Variants in KCNB2 observed in about 807,000 individuals in gnomAD.
KCNB2 encodes the protein potassium voltage-gated channel subfamily B member 2, also known as delayed rectifier potassium channel protein.
A neutral mutation model predicts 61.5 loss-of-function variants in KCNB2; 15 were observed. The observed-to-expected ratio is 0.24, with a 90% CI of 0.16 to 0.38. The LOEUF is 0.38. KCNB2 is among the 10% of genes least tolerant of loss of function. The pLI is 1.00. For missense variants in KCNB2, 828 were observed against 1,125.2 expected, an observed-to-expected ratio of 0.74 and a Z score of 3.78; for synonymous variants, 457 against 446.0, an observed-to-expected ratio of 1.02 and a Z score of -0.31.
intron 2 of KCNB2, among the ~76,000 whole-genome samples, chr8:72,746,705 A>G (rs1808077264): frequency 6.6e-6 from 1 of 152,144 alleles, no homozygotes; most frequent in Admixed American, 6.6e-5. Context: ...CGGCTGCAAT[A>G]TATCTTTCTG....
Position 72,937,401 on chromosome 8 carries a change from C to T in KCNB2, c.2046C>T (p.Gly682=). ...VDITVNLDAS[G]SQCGLHSPLQ... ...TAACTGTGAACCTCGATGCCAGTGG[C>T]TCCCAGTGTGGGCTACATAGTCCTT... The change falls in exon 3 of 3, where the codon GGC becomes GGT. Residue 682 remains glycine, a synonymous_variant. Transcript: ENST00000523207. 6.2e-7 allele frequency: 1 copy of T among 1,614,080 alleles called. No homozygotes were observed. The highest frequency in any genetic ancestry group is 8.5e-7 in the Non-Finnish European group (1 of 1,180,000).
chr8:72,762,453 C>T (rs184162234), intron 2 of KCNB2, among the ~76,000 whole-genome samples: 9 of 152,292 alleles, frequency 5.9e-5, no homozygotes, highest in Admixed American at 2.6e-4. Context: ...TTCTCCTCCA[C>T]GCTTAACATC....
chr8:72,726,253 C>A (rs1350620565), intron 2 of KCNB2, among the ~76,000 whole-genome samples: 1 of 152,194 alleles, frequency 6.6e-6, no homozygotes, highest in African/African-American at 2.4e-5. Context: ...GGTGGCCAAT[C>A]ACAAATCAGG....
chr8:72,583,948 CAAAA>C lies in KCNB2; in HGVS notation c.579+15649_579+15652del, dbSNP rs71566823. On this transcript the variant is annotated intron_variant, in intron 2 of 2. Coordinates refer to ENST00000523207, the MANE Select transcript of KCNB2 (RefSeq NM_004770.3). ...TTCAACAGTTACAACAATAGAATATCAAAAAAAAAAAAAAAAACAAACAAAACCC... is the reference window on the plus strand; with the variant it reads ...TTCAACAGTTACAACAATAGAATATCAAAAAAAAAAAAACAAACAAAACCC... Among the ~76,000 whole-genome samples the C allele has an allele frequency of 5.2e-4, 52 of 100,826 alleles. No individual in the cohort carries two copies. The South Asian group carries it at 8.5e-3, about 16-fold the overall frequency. The allele number at this position is 100,826 out of a possible 152,430, so 66.1% of individuals were successfully genotyped here. A position where few individuals can be genotyped will look rare whatever the true frequency, so the allele number is the denominator to read the frequency against.
chr8:72,696,160 G>A (rs566388224), intron 2 of KCNB2, among the ~76,000 whole-genome samples: 142 of 152,090 alleles, frequency 9.3e-4, no homozygotes, highest in African/African-American at 3.2e-3. Context: ...CTATTTTTAC[G>A]TCCTTCAATA....
intron 2 of KCNB2, among the ~76,000 whole-genome samples, chr8:72,778,929 T>C (rs1808710799): frequency 6.6e-6 from 1 of 151,996 alleles, no homozygotes; most frequent in Non-Finnish European, 1.5e-5. Flanking sequence ...TTGGCTGGCG[T>C]GTTCTCTTTT....
intron 2 of KCNB2, among the ~76,000 whole-genome samples, chr8:72,633,535 C>G (rs2128985152): frequency 6.6e-6 from 1 of 152,248 alleles, no homozygotes; most frequent in South Asian, 2.1e-4. Flanking sequence ...GCCTGGCACG[C>G]CTTCTCTGGG....
At chr8:72,854,925 G>A (rs73315027) in intron 2 of KCNB2, among the ~76,000 whole-genome samples, 22,958 of 152,182 alleles carry the variant, frequency 0.15, 2,369 homozygotes, top group African/African-American at 0.29. Flanking sequence ...AAGGTCCCTA[G>A]CTAAGATCCA....
intron 2 of KCNB2, among the ~76,000 whole-genome samples, chr8:72,884,095 G>T (rs147199241): frequency 6.2e-4 from 95 of 152,204 alleles, no homozygotes; most frequent in African/African-American, 2.2e-3. Context: ...GCATTGTCGA[G>T]GCTTCTAATT....
chr8:72,549,460 A>G (rs1195423341), intron 1 of KCNB2, among the ~76,000 whole-genome samples: 1 of 152,192 alleles, frequency 6.6e-6, no homozygotes, highest in East Asian at 1.9e-4. Context: ...TGTGACAACA[A>G]CACTTCTGCT....
chr8:72,797,782 G>C (rs1424489553), intron 2 of KCNB2, among the ~76,000 whole-genome samples: 1 of 152,158 alleles, frequency 6.6e-6, no homozygotes, highest in Non-Finnish European at 1.5e-5. Flanking sequence ...AACTCCCAGG[G>C]GTTGCGTGTA....
chr8:72,705,377 C>A lies in KCNB2; in HGVS notation c.579+137064C>A, dbSNP rs143872649. ...GGAACCATCTCCCATCCATTAACTT[C>A]ATCAAGGAATTCCCTCCCATACATG... On this transcript the variant is annotated intron_variant, in intron 2 of 2. Coordinates refer to ENST00000523207, the MANE Select transcript of KCNB2 (RefSeq NM_004770.3). 5.1e-3 allele frequency among the ~76,000 whole-genome samples: 783 copies of A among 152,336 alleles called. 9 individuals are homozygous for A. Among genetic ancestry groups the A allele is most frequent in the Middle Eastern group, 0.037 (11 of 294 alleles).
chr8:72,555,359 C>G (rs1027855834), intron 1 of KCNB2, among the ~76,000 whole-genome samples: 45 of 151,550 alleles, frequency 3.0e-4, no homozygotes, highest in African/African-American at 9.4e-4. Flanking sequence ...AACTTTGGCT[C>G]TCTTTCAGAT....
chr8:72,819,947 C>T (rs1358960131), intron 2 of KCNB2, among the ~76,000 whole-genome samples: 1 of 152,088 alleles, frequency 6.6e-6, no homozygotes, highest in African/African-American at 2.4e-5. Flanking sequence ...CAGATGCCTC[C>T]ACTCTAGTTG....
chr8:72,735,449 G>A (rs542161012), intron 2 of KCNB2, among the ~76,000 whole-genome samples: 37 of 152,200 alleles, frequency 2.4e-4, no homozygotes, highest in African/African-American at 7.9e-4. Context: ...TACTCAGCTC[G>A]GGTAAAGGTC....
chr8:72,605,677 T>C (rs1312323968), intron 2 of KCNB2, among the ~76,000 whole-genome samples: 1 of 152,204 alleles, frequency 6.6e-6, no homozygotes, highest in Non-Finnish European at 1.5e-5. Context: ...AATAATTTAG[T>C]CCCAGACCAA....
intron 2 of KCNB2, among the ~76,000 whole-genome samples, chr8:72,670,919 T>C (rs1409984994): frequency 6.6e-6 from 1 of 152,176 alleles, no homozygotes; most frequent in Non-Finnish European, 1.5e-5. Flanking sequence ...ACATGAAGAC[T>C]TAATTTTCCA....
intron 2 of KCNB2, among the ~76,000 whole-genome samples, chr8:72,800,012 G>A (rs1482267454): frequency 3.3e-5 from 5 of 152,076 alleles, no homozygotes; most frequent in South Asian, 2.1e-4. Context: ...GCCAGAGCAC[G>A]GTGGGCCTTG....
intron 2 of KCNB2, among the ~76,000 whole-genome samples, chr8:72,693,721 C>T (rs991986554): frequency 1.3e-5 from 2 of 152,152 alleles, no homozygotes; most frequent in African/African-American, 4.8e-5. Flanking sequence ...GTAGTTTGGG[C>T]TGGATGTGCC....
Sources: gnomAD v4.1 joint callset for allele counts (sites outside exome capture counted in the v4.1 genomes callset) on GRCh38, gnomAD v4.1.1 for gene constraint, MANE v1.5 for transcripts, NCBI Gene and HGNC (gene_info 2026-07-23, HGNC 2026-07-21) for gene names.